The following ALDH1L1 variants were observed in gnomAD, a reference collection of about 807,000 sequenced individuals.
The protein encoded by ALDH1L1 is cytosolic 10-formyltetrahydrofolate dehydrogenase.
In ALDH1L1, 68 loss-of-function variants were observed where a neutral mutation model predicts 101.1. The observed-to-expected ratio is 0.67, with a 90% CI of 0.55 to 0.82. The LOEUF (loss-of-function observed/expected upper bound fraction) is 0.82. Among genes scored for constraint, ALDH1L1 ranks in the 40% least tolerant of loss-of-function variants. The pLI, the probability that ALDH1L1 is intolerant of heterozygous loss-of-function variation, is 0.00. For missense variants in ALDH1L1, 1,087 were observed against 1,172.7 expected (o/e 0.93, Z 1.07); for synonymous variants, 486 against 470.8 (o/e 1.03, Z -0.42).
chr3:126,174,801 G>A (rs1367442841), intron 1 of ALDH1L1, among the ~76,000 whole-genome samples: 1 of 152,014 alleles, frequency 6.6e-6, no homozygotes, highest in Non-Finnish European at 1.5e-5. Context: ...TATTAAAGAA[G>A]AAAGAGCTAA....
chr3:126,156,408 G>C (rs1436277016), intron 4 of ALDH1L1: 1 of 152,278 alleles, frequency 6.6e-6, no homozygotes, highest in Non-Finnish European at 1.5e-5. Flanking sequence ...AAAGGCAGTG[G>C]CCAGGAGCTG....
intron 12 of ALDH1L1, among the ~76,000 whole-genome samples, 164 bp from the exon 13 acceptor site, chr3:126,131,698 C>T (rs1309000779): frequency 6.6e-6 from 1 of 152,234 alleles, no homozygotes; most frequent in Non-Finnish European, 1.5e-5. Context: ...GGGCCAGCAC[C>T]GTTTACTCCA....
chr3:126,107,031 C>A (rs1945899816), intron 21 of ALDH1L1, 110 bp downstream of exon 21: 1 of 1,005,684 alleles, frequency 9.9e-7, no homozygotes, highest in African/African-American at 1.6e-5. Flanking sequence ...TGCGCCCTGC[C>A]TGAGTTCTCC....
At chr3:126,154,902 C>T (rs531411209) in intron 5 of ALDH1L1, among the ~76,000 whole-genome samples, 75 of 152,310 alleles carry the variant, frequency 4.9e-4, no homozygotes, top group African/African-American at 1.6e-3. Context: ...AGACCCTACA[C>T]AGAGGCCCCA....
chr3:126,194,287 A>G (rs2108355824), intron 1 of ALDH1L1, among the ~76,000 whole-genome samples: 1 of 152,320 alleles, frequency 6.6e-6, no homozygotes, highest in East Asian at 1.9e-4. Flanking sequence ...AAGGTTAAAC[A>G]TTATTTCTTT....
At chr3:126,123,854 C>T (rs182558306) in intron 16 of ALDH1L1, among the ~76,000 whole-genome samples, 62 of 151,776 alleles carry the variant, frequency 4.1e-4, no homozygotes, top group Admixed American at 1.0e-3. Flanking sequence ...GAATGTATTA[C>T]AACAATCAAA....
At chr3:126,106,072 G>C (rs545195717) in intron 21 of ALDH1L1, 147 bp from the exon 22 acceptor site, 371 of 839,754 alleles carry the variant, frequency 4.4e-4, no homozygotes, top group Non-Finnish European at 6.2e-4. Flanking sequence ...GGCAAGATTG[G>C]GTTGGGTTGG....
intron 17 of ALDH1L1, 70 bp downstream of exon 17, chr3:126,117,935 G>A: frequency 7.0e-7 from 1 of 1,427,102 alleles, no homozygotes; most frequent in African/African-American, 1.4e-5. Flanking sequence ...CACAGCTCCT[G>A]GGACAGCACT....
intron 9 of ALDH1L1, among the ~76,000 whole-genome samples, chr3:126,142,914 T>TTA (rs905775232): frequency 1.3e-5 from 2 of 152,320 alleles, no homozygotes; most frequent in Non-Finnish European, 2.9e-5. Flanking sequence ...GGGCTGAACC[T>TTA]TACACTGTGC....
intron 9 of ALDH1L1, among the ~76,000 whole-genome samples, chr3:126,138,636 T>C (rs181844769): frequency 6.6e-6 from 1 of 152,342 alleles, no homozygotes; most frequent in East Asian, 1.9e-4. Flanking sequence ...ATTCCCACTA[T>C]TGGGAAAGAT....
chr3:126,168,561 G>A (rs1483443005), intron 1 of ALDH1L1, among the ~76,000 whole-genome samples: 3 of 152,062 alleles, frequency 2.0e-5, no homozygotes, highest in South Asian at 2.1e-4. Context: ...AAAACTTAAC[G>A]GTAATCTAAA....
upstream of ALDH1L1, among the ~76,000 whole-genome samples, chr3:126,185,721 T>C (rs113859514): frequency 1.8e-4 from 27 of 152,248 alleles, no homozygotes; most frequent in African/African-American, 6.5e-4. Context: ...TGTTGTCCAG[T>C]GGTAACAAGA....
rs138191102 is a variant in ALDH1L1 at position 126,135,623 on chromosome 3, C to T, written c.1384G>A (p.Asp462Asn). Residue 462 changes from aspartate (D) to asparagine (N), a missense_variant, in exon 12 of 23, where the codon GAC (aspartate) becomes AAC (asparagine). By Grantham distance (23) the Asp-to-Asn change is conservative. Transcript: ENST00000393434. Reference protein sequence around the residue: ...QVSLAQVTDVDKAVAAAKDAF... With the variant: ...QVSLAQVTDVNKAVAAAKDAF... ...TCCTTGGCTGCGGCCACTGCCTTGT[C>T]GACGTCGGTGACTTGGGCCAGGGAT... 81 of 1,587,342 alleles carry T rather than the reference C, an allele frequency of 5.1e-5. No homozygotes were observed. Among genetic ancestry groups the T allele is most frequent in the Middle Eastern group, 1.7e-4 (1 of 5,988 alleles).
chr3:126,171,558 A>G (rs2081276367), intron 1 of ALDH1L1, among the ~76,000 whole-genome samples: 1 of 152,156 alleles, frequency 6.6e-6, no homozygotes, highest in African/African-American at 2.4e-5. Context: ...CAGCTTTTGT[A>G]TTTCTTTCCT....
At chr3:126,144,420 C>A (rs2080630802) in intron 9 of ALDH1L1, among the ~76,000 whole-genome samples, 1 of 152,140 alleles carries the variant, frequency 6.6e-6, no homozygotes, top group Non-Finnish European at 1.5e-5. Flanking sequence ...TGAAAAAGAA[C>A]AAAGTTAGAG....
intron 10 of ALDH1L1, 142 bp from the exon 11 acceptor site, chr3:126,137,025 G>T: frequency 7.9e-7 from 1 of 1,264,016 alleles, no homozygotes; most frequent in Non-Finnish European, 1.1e-6. Flanking sequence ...CTGAGCAGGG[G>T]AGAGACAAAG....
At chr3:126,109,776 T>C (rs998752496) in intron 20 of ALDH1L1, among the ~76,000 whole-genome samples, 168 bp downstream of exon 20, 1 of 152,170 alleles carries the variant, frequency 6.6e-6, no homozygotes, top group African/African-American at 2.4e-5. Context: ...GTCTGGCTGG[T>C]GCCCAAATAG....
intron 12 of ALDH1L1, 131 bp from the exon 13 acceptor site, chr3:126,131,665 C>A (rs2080311141): frequency 1.6e-5 from 16 of 994,346 alleles, no homozygotes; most frequent in Non-Finnish European, 2.2e-5. Flanking sequence ...GATGTGCGGA[C>A]CTCCGTTTCT....
At chr3:126,193,431 C>T (rs1280287253) in intron 1 of ALDH1L1, among the ~76,000 whole-genome samples, 3 of 152,142 alleles carry the variant, frequency 2.0e-5, no homozygotes, top group South Asian at 2.1e-4. Context: ...AATTGGCCTC[C>T]TATAATTTTG....
Sources: allele counts gnomAD v4.1 joint callset (sites outside exome capture counted in the v4.1 genomes callset), GRCh38; gene constraint gnomAD v4.1.1; transcripts MANE v1.5; gene names NCBI Gene and HGNC (gene_info 2026-07-23, HGNC 2026-07-21).